The following NPHP1 variants were observed in gnomAD, a reference collection of about 807,000 sequenced individuals.
The protein encoded by NPHP1 is nephrocystin 1, also known as nephrocystin-1.
A neutral mutation model predicts 90.4 loss-of-function variants in NPHP1; 70 were observed. The ratio of observed to expected loss-of-function variants is 0.77; its 90% CI spans 0.64 to 0.95. The LOEUF is 0.95. NPHP1 is among the 40% of genes least tolerant of loss of function. The pLI is 0.00. For missense variants in NPHP1, 764 were observed against 795.9 expected (o/e 0.96, Z 0.48); for synonymous variants, 256 against 271.7 (o/e 0.94, Z 0.57).
chr2:110,163,175 T>C (rs780040712), intron 8 of NPHP1, 40 bp from the exon 9 acceptor site: 2 of 1,370,794 alleles, frequency 1.5e-6, no homozygotes, highest in Non-Finnish European at 2.1e-6. Flanking sequence ...TTTTCAGTCA[T>C]GTTTCTGCAT....
At chr2:110,183,842 C>T (rs1016132264) in intron 2 of NPHP1, among the ~76,000 whole-genome samples, 1 of 152,092 alleles carries the variant, frequency 6.6e-6, no homozygotes, top group African/African-American at 2.4e-5. Flanking sequence ...CCAAAAACAA[C>T]AAAATATGCA....
At chr2:110,184,368 G>T in intron 2 of NPHP1, 1 of 612,354 alleles carries the variant, frequency 1.6e-6, no homozygotes. Context: ...TTTCTCAGAG[G>T]AGCATCTCGT....
chr2:110,197,589 T>C (rs1685260279), intron 2 of NPHP1, among the ~76,000 whole-genome samples: 1 of 152,038 alleles, frequency 6.6e-6, no homozygotes, highest in African/African-American at 2.4e-5. Context: ...ATGAAAAGAA[T>C]CTCTCCTACA....
At chr2:110,128,899 G>T (rs752429534) in intron 18 of NPHP1, 2 of 436,258 alleles carry the variant, frequency 4.6e-6, no homozygotes, top group South Asian at 6.4e-5. Flanking sequence ...TTGGATTTTT[G>T]CTCTTAGGAC....
chr2:110,153,854 G>A (rs1248951679), intron 11 of NPHP1, among the ~76,000 whole-genome samples: 2 of 152,040 alleles, frequency 1.3e-5, no homozygotes, highest in Non-Finnish European at 2.9e-5. Context: ...GTGGTAGTGA[G>A]CACCTGTAAT....
chr2:110,151,890 C>A (rs575464200), intron 11 of NPHP1, among the ~76,000 whole-genome samples: 12 of 152,218 alleles, frequency 7.9e-5, no homozygotes, highest in African/African-American at 2.4e-4. Context: ...CTGCTTTTAT[C>A]TTTTCAATTT....
intron 2 of NPHP1, among the ~76,000 whole-genome samples, chr2:110,200,356 G>C (rs1286779493): frequency 6.6e-6 from 1 of 152,114 alleles, no homozygotes; most frequent in Non-Finnish European, 1.5e-5. Flanking sequence ...TTGAGGTCAG[G>C]AGTTCGAAAC....
chr2:110,124,458 T>C (rs1174912860), intron 19 of NPHP1: 1 of 293,306 alleles, frequency 3.4e-6, no homozygotes, highest in African/African-American at 2.1e-5. Context: ...CAGAGGTAAC[T>C]GTCATGTTAT....
At chr2:110,167,461 G>C (rs1201020042) in intron 6 of NPHP1, among the ~76,000 whole-genome samples, 1 of 152,028 alleles carries the variant, frequency 6.6e-6, no homozygotes, top group Non-Finnish European at 1.5e-5. Flanking sequence ...CCTAAATGAT[G>C]GGGTTCCAGG....
chr2:110,199,950 A>ACC (rs1265964939), intron 2 of NPHP1, among the ~76,000 whole-genome samples: 18 of 152,270 alleles, frequency 1.2e-4, no homozygotes, highest in Non-Finnish European at 1.3e-4. Context: ...GACTATGGTT[A>ACC]CTTGGGCTTA....
intron 2 of NPHP1, among the ~76,000 whole-genome samples, chr2:110,188,488 A>G (rs1559098626): frequency 6.6e-6 from 1 of 152,282 alleles, no homozygotes; most frequent in East Asian, 1.9e-4. Flanking sequence ...GGATAACTAC[A>G]AACACTGCTC....
At chr2:110,135,906 A>AT (rs1680154766) in intron 16 of NPHP1, among the ~76,000 whole-genome samples, 1 of 152,220 alleles carries the variant, frequency 6.6e-6, no homozygotes, top group Admixed American at 6.5e-5. Context: ...GACCACTGTG[A>AT]TGAGGTGACA....
At chr2:110,196,119 A>T (rs1471522829) in intron 2 of NPHP1, among the ~76,000 whole-genome samples, 1 of 152,050 alleles carries the variant, frequency 6.6e-6, no homozygotes, top group Non-Finnish European at 1.5e-5. Context: ...CTAAAACACC[A>T]AAAGCAATGG....
intron 4 of NPHP1, among the ~76,000 whole-genome samples, chr2:110,174,186 A>G (rs1490165166): frequency 6.6e-6 from 1 of 152,096 alleles, no homozygotes; most frequent in Non-Finnish European, 1.5e-5. Context: ...TCAATCTGAC[A>G]ATCTTTGTTG....
chr2:110,134,936 G>C (rs975413467), intron 16 of NPHP1, among the ~76,000 whole-genome samples: 2 of 151,984 alleles, frequency 1.3e-5, no homozygotes, highest in African/African-American at 2.4e-5. Flanking sequence ...CAAGGATCCT[G>C]CTCCTGCCAC....
At chr2:110,171,079 G>T (rs1683099577) in intron 4 of NPHP1, among the ~76,000 whole-genome samples, 1 of 152,076 alleles carries the variant, frequency 6.6e-6, no homozygotes, top group South Asian at 2.1e-4. Flanking sequence ...TAAAGGTGAG[G>T]GTGGCTGTTG....
At chr2:110,178,793 T>C in intron 3 of NPHP1, 1 of 450,966 alleles carries the variant, frequency 2.2e-6, no homozygotes, top group African/African-American at 2.0e-5. Context: ...CTAAGTATTA[T>C]AGACCTTCCA....
At chr2:110,189,978 C>T (rs1418714232) in intron 2 of NPHP1, among the ~76,000 whole-genome samples, 1 of 152,146 alleles carries the variant, frequency 6.6e-6, no homozygotes, top group Non-Finnish European at 1.5e-5. Flanking sequence ...TTCTCCAAGG[C>T]TCCACCAGAG....
At chr2:110,156,047 T>A (rs1271239520) in intron 11 of NPHP1, among the ~76,000 whole-genome samples, 1 of 150,932 alleles carries the variant, frequency 6.6e-6, no homozygotes, top group African/African-American at 2.4e-5. Context: ...CAGTAGGAAG[T>A]GATTGAATTA....
Sources: gnomAD v4.1 joint callset for allele counts (sites outside exome capture counted in the v4.1 genomes callset) on GRCh38, gnomAD v4.1.1 for gene constraint, MANE v1.5 for transcripts, NCBI Gene and HGNC (gene_info 2026-07-23, HGNC 2026-07-21) for gene names.